NUCB2: variants seen among roughly 807,000 people sequenced by gnomAD.
NUCB2 encodes nucleobindin-2.
Under a neutral mutation model 57.9 loss-of-function variants are expected in NUCB2, and 48 were observed. The observed-to-expected ratio is 0.83, with a 90% CI of 0.66 to 1.05. The LOEUF (loss-of-function observed/expected upper bound fraction) is 1.05, where lower values mean the gene tolerates loss of function less well. Ranked by LOEUF, NUCB2 falls within the 50% of genes least tolerant of loss-of-function variation. NUCB2 has a pLI of 0.00. For missense variants in NUCB2, 442 were observed against 476.2 expected, an observed-to-expected ratio of 0.93 and a Z score of 0.67; for synonymous variants, 139 against 152.1, an observed-to-expected ratio of 0.91 and a Z score of 0.64.
intron 2 of NUCB2, among the ~76,000 whole-genome samples, chr11:17,346,698 C>T (rs1227770169): frequency 6.6e-6 from 1 of 152,096 alleles, no homozygotes; most frequent in Non-Finnish European, 1.5e-5. Flanking sequence ...ATAAAGAATT[C>T]CCATATGCCC....
chr11:17,334,783 G>A (rs1951672725), downstream of NUCB2, among the ~76,000 whole-genome samples: 1 of 151,888 alleles, frequency 6.6e-6, no homozygotes, highest in African/African-American at 2.4e-5. Context: ...CTACTCAAGA[G>A]GCTGGGGCAG....
chr11:17,335,164 G>C (rs571403835), downstream of NUCB2, among the ~76,000 whole-genome samples: 113 of 152,014 alleles, frequency 7.4e-4, no homozygotes, highest in South Asian at 5.0e-3. Context: ...ATAAGCAATA[G>C]AATATCTCTA....
intron 4 of NUCB2, among the ~76,000 whole-genome samples, chr11:17,298,383 T>C (rs1234414464): frequency 6.6e-6 from 1 of 151,648 alleles, no homozygotes; most frequent in Non-Finnish European, 1.5e-5. Flanking sequence ...CTAGGCAACA[T>C]AGTGAAACCC....
chr11:17,315,366 A>G lies in NUCB2; in HGVS notation c.913-20A>G, dbSNP rs190994796. On this transcript the variant is annotated intron_variant, in intron 10 of 13. Coordinates refer to ENST00000529010, the MANE Select transcript of NUCB2 (RefSeq NM_005013.4). ...GAGAAAGATTTACTTTATATTATGT[A>G]TACATTTTGTTTTAATCAGGTTGAT... 4.4e-4 allele frequency: 602 copies of G among 1,375,692 alleles called. 4 individuals are homozygous for G. The African/African-American group carries it at 7.8e-3, about 18-fold the overall frequency. The allele number at this position is 1,375,692 out of a possible 1,614,324, so 85.2% of individuals were successfully genotyped here.
rs1375885095 is a variant in NUCB2, at chr11:17,323,999, T to TA, written c.1003-6126dup. Among the ~76,000 whole-genome samples, 9 of 152,334 alleles carry TA rather than the reference T, an allele frequency of 5.9e-5. No homozygotes were observed. The East Asian group carries it at 1.7e-3, about 29-fold the overall frequency. ...TGGCTAAAGGTTTGTCAATTTTGTTTAACTTCAAAAAACCAACTTTTTGTT... is the reference window on the plus strand; with the variant it reads ...TGGCTAAAGGTTTGTCAATTTTGTTTAAACTTCAAAAAACCAACTTTTTGTT... On this transcript the variant is annotated intron_variant, in intron 11 of 13. Transcript: ENST00000529010.
intron 10 of NUCB2, among the ~76,000 whole-genome samples, chr11:17,315,087 C>CA (rs1443442179): frequency 6.6e-6 from 1 of 152,166 alleles, no homozygotes; most frequent in Non-Finnish European, 1.5e-5. Flanking sequence ...AAGACAGTAA[C>CA]AGTCACCTAA....
intron 11 of NUCB2, 68 bp downstream of exon 11, chr11:17,315,543 A>T: frequency 1.1e-6 from 1 of 875,834 alleles, no homozygotes; most frequent in Non-Finnish European, 1.8e-6. Context: ...TCTACTTTTA[A>T]CTTTTATTCC....
At chr11:17,346,193 T>TGGCTAG (rs1952722552) in intron 2 of NUCB2, among the ~76,000 whole-genome samples, 1 of 152,208 alleles carries the variant, frequency 6.6e-6, no homozygotes, top group African/African-American at 2.4e-5. Context: ...TTCTCCAGCA[T>TGGCTAG]GGCTAGTAAG....
chr11:17,343,022 G>A (rs1343239381), intron 2 of NUCB2, among the ~76,000 whole-genome samples: 1 of 151,938 alleles, frequency 6.6e-6, no homozygotes, highest in South Asian at 2.1e-4. Context: ...ATATATTTAG[G>A]ATAGTTAGCT....
chr11:17,278,092 A>G (rs1356900242), intron 1 of NUCB2, among the ~76,000 whole-genome samples: 4 of 151,372 alleles, frequency 2.6e-5, no homozygotes, highest in Non-Finnish European at 4.4e-5. Flanking sequence ...AGACAATTTT[A>G]GAAACTTAAA....
intron 2 of NUCB2, among the ~76,000 whole-genome samples, chr11:17,292,158 T>A (rs1945053080): frequency 6.6e-6 from 1 of 152,170 alleles, no homozygotes; most frequent in South Asian, 2.1e-4. Context: ...ATTTAAAATT[T>A]TTTTTATTTT....
chr11:17,319,779 T>C (rs533662207), intron 11 of NUCB2, among the ~76,000 whole-genome samples: 1 of 152,152 alleles, frequency 6.6e-6, no homozygotes, highest in South Asian at 2.1e-4. Flanking sequence ...TTATATAGTT[T>C]ATATATATAT....
In NUCB2 at chr11:17,288,926, CACACACACACACACACACACACACAT is replaced by C. The variant is rs1565376671; in HGVS notation, c.-1+5985_-1+6010del. On this transcript the variant is annotated intron_variant, in intron 2 of 13. Coordinates refer to ENST00000529010, the MANE Select transcript of NUCB2 (RefSeq NM_005013.4). ...ACACACACACACACACACACACACA[CACACACACACACACACACACACACAT>C]ATATATATATATTTTTTTTTTTTGA... Among the ~76,000 whole-genome samples the C allele has an allele frequency of 1.6e-4, 14 of 90,252 alleles. No individual in the cohort carries two copies. The East Asian group carries it at 2.3e-3, about 15-fold the overall frequency. 59.2% of individuals were successfully genotyped at this position (90,252 alleles called of 152,430 possible). A position where few individuals can be genotyped will look rare whatever the true frequency, so the allele number is the denominator to read the frequency against.
In NUCB2 at chr11:17,327,714, C is replaced by T. The variant is rs775671935; in HGVS notation, c.1003-2413C>T. ...GATCAGTTCTGCTATTAAGAGACTCCGATGCATTCTTCAGCGTGTCCGTTC... is the reference window on the plus strand; with the variant it reads ...GATCAGTTCTGCTATTAAGAGACTCTGATGCATTCTTCAGCGTGTCCGTTC... On this transcript the variant is annotated intron_variant, in intron 11 of 13. Coordinates refer to ENST00000529010, the MANE Select transcript of NUCB2 (RefSeq NM_005013.4). 7.2e-5 allele frequency among the ~76,000 whole-genome samples: 11 copies of T among 152,214 alleles called. No homozygotes were observed. The South Asian group carries it at 8.3e-4, about 11-fold the overall frequency.
At chr11:17,285,181 A>G (rs1397776843) in intron 2 of NUCB2, among the ~76,000 whole-genome samples, 2 of 152,088 alleles carry the variant, frequency 1.3e-5, no homozygotes, top group African/African-American at 4.8e-5. Flanking sequence ...TAATCCCAGC[A>G]CTTTGGGAGG....
At chr11:17,315,034 A>C (rs1235022337) in intron 10 of NUCB2, among the ~76,000 whole-genome samples, 1 of 152,190 alleles carries the variant, frequency 6.6e-6, no homozygotes, top group Non-Finnish European at 1.5e-5. Flanking sequence ...CTTACCCAAG[A>C]ACTTGGCTTC....
At chr11:17,345,693 C>T (rs529916285) in intron 2 of NUCB2, among the ~76,000 whole-genome samples, 3 of 152,038 alleles carry the variant, frequency 2.0e-5, no homozygotes, top group South Asian at 2.1e-4. Flanking sequence ...GGTGGCAGAG[C>T]GACACTCCGT....
At chr11:17,313,861 C>T (rs1187838364) in intron 10 of NUCB2, among the ~76,000 whole-genome samples, 2 of 152,040 alleles carry the variant, frequency 1.3e-5, no homozygotes, top group South Asian at 4.1e-4. Flanking sequence ...TCTCCTTTCT[C>T]GCTTCGTTCT....
At chr11:17,303,951 T>G (rs1947206945) in intron 5 of NUCB2, among the ~76,000 whole-genome samples, 1 of 151,758 alleles carries the variant, frequency 6.6e-6, no homozygotes, top group Admixed American at 6.6e-5. Context: ...GAAAATCCAT[T>G]TGACAAAATT....
Sources: gnomAD v4.1 joint callset for allele counts (sites outside exome capture counted in the v4.1 genomes callset) on GRCh38, gnomAD v4.1.1 for gene constraint, MANE v1.5 for transcripts, NCBI Gene and HGNC (gene_info 2026-07-23, HGNC 2026-07-21) for gene names.